NF1: variants seen among roughly 807,000 people sequenced by gnomAD.
NF1 encodes neurofibromin.
A neutral mutation model predicts 325.7 loss-of-function variants in NF1; 122 were observed. The observed-to-expected ratio is 0.37, with a 90% CI of 0.32 to 0.44. NF1 has a LOEUF of 0.44. Ranked by LOEUF, NF1 falls within the 20% of genes least tolerant of loss-of-function variation. The pLI is 1.00. For missense variants in NF1, 2,140 were observed against 3,415.4 expected (o/e 0.63, Z 9.31); for synonymous variants, 1,091 against 1,186.0 (o/e 0.92, Z 1.65).
intron 1 of NF1, among the ~76,000 whole-genome samples, chr17:31,153,654 C>T (rs911846068): frequency 4.6e-5 from 7 of 152,158 alleles, no homozygotes; most frequent in African/African-American, 7.2e-5. Flanking sequence ...CACAGGATCT[C>T]GCTCTGTTGC....
chr17:31,118,031 A>G (rs961965818), intron 1 of NF1, among the ~76,000 whole-genome samples: 2 of 152,246 alleles, frequency 1.3e-5, no homozygotes, highest in East Asian at 1.9e-4. Context: ...GCTTTCAAAT[A>G]TGGTACGCAT....
intron 16 of NF1, among the ~76,000 whole-genome samples, 165 bp downstream of exon 16, chr17:31,223,732 G>A (rs897053004): frequency 7.2e-5 from 11 of 152,098 alleles, no homozygotes; most frequent in African/African-American, 2.7e-4. Flanking sequence ...TGGCAAATCA[G>A]CATTTTAAAA....
intron 36 of NF1, among the ~76,000 whole-genome samples, chr17:31,308,164 G>C (rs1323765396): frequency 6.6e-5 from 10 of 151,284 alleles, no homozygotes; most frequent in African/African-American, 2.4e-4. Flanking sequence ...TTTGGAGACA[G>C]AGTCGTTCTG....
At chr17:31,284,125 A>G (rs190013921) in intron 36 of NF1, among the ~76,000 whole-genome samples, 3 of 152,234 alleles carry the variant, frequency 2.0e-5, no homozygotes, top group African/African-American at 7.2e-5. Context: ...TTTTGAGACC[A>G]AGTCTCACTC....
Position 31,336,213 on chromosome 17 carries a change from T to C in NF1, c.6007-120T>C. ...AGGCCTGTAAATAAAATCTAGTATT[T>C]TTGAGGCCTCAGGTAAAATAGAATT... On this transcript the variant is annotated intron_variant, in intron 40 of 57. Coordinates refer to ENST00000358273, the MANE Select transcript of NF1 (RefSeq NM_001042492.3). This position sits in a 1 kb window ranked among gnomAD's most constrained non-coding sequence, Gnocchi z 5.5. The C allele has an allele frequency of 9.9e-7, 1 of 1,009,526 alleles. No homozygotes were observed. The highest frequency in any genetic ancestry group is 1.5e-6 in the Non-Finnish European group (1 of 673,514). 62.5% of individuals were successfully genotyped at this position (1,009,526 alleles called of 1,614,324 possible). A position where few individuals can be genotyped will look rare whatever the true frequency, so the allele number is the denominator to read the frequency against.
chr17:31,102,163 A>G (rs918220407), intron 1 of NF1, among the ~76,000 whole-genome samples: 3 of 152,166 alleles, frequency 2.0e-5, no homozygotes, highest in African/African-American at 7.2e-5. Context: ...ACATATTTAT[A>G]TTTCCTCCCA....
chr17:31,327,737 C>G lies in NF1; in HGVS notation c.5507C>G (p.Pro1836Arg), dbSNP rs2151541591. ...CGGACCCGCTGGGAACTGTCACAGCCCGACTCTATCCCCCAACACACCAAG... is the reference window on the plus strand; with the variant it reads ...CGGACCCGCTGGGAACTGTCACAGCGCGACTCTATCCCCCAACACACCAAG... ...HIRTRWELSQPDSIPQHTKIR... is the reference protein window; with the variant it reads ...HIRTRWELSQRDSIPQHTKIR... Residue 1836 changes from proline (P) to arginine (R), a missense_variant, in exon 38 of 58, where the codon CCC (proline) becomes CGC (arginine). Physicochemically the swap from Pro to Arg is moderately radical, Grantham distance 103. This residue lies in a region of NF1 where 147 missense variants were observed against 186.7 expected (regional missense o/e 0.79). Transcript: ENST00000358273. 6.2e-7 allele frequency: 1 copy of G among 1,614,008 alleles called. No individual in the cohort carries two copies. The highest frequency in any genetic ancestry group is 8.5e-7 in the Non-Finnish European group (1 of 1,179,944).
chr17:31,228,875 A>C (rs1287485109), intron 20 of NF1, 150 bp from the exon 21 acceptor site: 1 of 635,144 alleles, frequency 1.6e-6, no homozygotes, highest in Middle Eastern at 4.3e-4. Flanking sequence ...CTCTTTAAAA[A>C]TGTATATGGT....
In NF1 at chr17:31,318,565, G is replaced by T. The variant is rs774655791; in HGVS notation, c.4836-7255G>T. 14 of 1,613,984 alleles carry T rather than the reference G, an allele frequency of 8.7e-6. No homozygotes were observed. In the South Asian group the frequency reaches 1.1e-4, roughly 13 times the overall value. On this transcript the variant is annotated intron_variant, in intron 36 of 57. Coordinates refer to ENST00000358273, the MANE Select transcript of NF1 (RefSeq NM_001042492.3). ...AACCACAGTTGATAGAAATAGAAAG[G>T]TACAGATAAGAAAAAGCACTGCAAT...
At chr17:31,221,797 A>G in intron 14 of NF1, 53 bp from the exon 15 acceptor site, 2 of 1,333,838 alleles carry the variant, frequency 1.5e-6, no homozygotes, top group Non-Finnish European at 2.1e-6. Context: ...TATGTTTACC[A>G]AAAATGTTTG....
At chr17:31,359,214 C>T in intron 56 of NF1, 199 bp downstream of exon 56, 1 of 554,974 alleles carries the variant, frequency 1.8e-6, no homozygotes, top group Non-Finnish European at 3.2e-6. Context: ...TGTGTATTCA[C>T]TTTTACAAAC....
rs767438491 is a variant in NF1, at chr17:31,265,260, G to A, written c.4756G>A (p.Ala1586Thr). ...HQVHEKEEFK[A>T]LKTLSIFYQA... ...GGTACATGAAAAAGAAGAATTCAAG[G>A]CTTTGAAAACGTTAAGTATTTTCTA... Residue 1586 changes from alanine (A) to threonine (T), a missense_variant, in exon 36 of 58, where the codon GCT (alanine) becomes ACT (threonine). By Grantham distance (58) the Ala-to-Thr change is moderately conservative. Transcript: ENST00000358273. 2 of 1,613,250 alleles carry A rather than the reference G, an allele frequency of 1.2e-6. No homozygotes were observed. Among genetic ancestry groups the A allele is most frequent in the Non-Finnish European group, 1.7e-6 (2 of 1,179,506 alleles).
chr17:31,353,928 T>C (rs1238075309), intron 51 of NF1, among the ~76,000 whole-genome samples: 1 of 152,276 alleles, frequency 6.6e-6, no homozygotes, highest in Admixed American at 6.5e-5. Flanking sequence ...TCACAGTTAC[T>C]AGCCACATAG....
chr17:31,349,206 T>G lies in NF1; in HGVS notation c.7276T>G (p.Cys2426Gly), dbSNP rs767059035. The change falls in exon 49 of 58, where the codon TGT becomes GGT. Residue 2426 changes from cysteine (C) to glycine (G), a missense_variant. Transcript: ENST00000358273. ...AACTCTGGTTAACAAACACAGAAAT[T>G]GTGACAAATTTGAAGTGAATACACA... is the stretch of plus-strand genomic sequence containing the variant. Reference protein sequence around the residue: ...LLTLVNKHRNCDKFEVNTQSV... With the variant: ...LLTLVNKHRNGDKFEVNTQSV... 2.5e-6 allele frequency: 4 copies of G among 1,613,628 alleles called. No individual in the cohort carries two copies. Among genetic ancestry groups the G allele is most frequent in the Non-Finnish European group, 3.4e-6 (4 of 1,179,832 alleles).
At chr17:31,146,237 G>A (rs1371488296) in intron 1 of NF1, among the ~76,000 whole-genome samples, 3 of 152,158 alleles carry the variant, frequency 2.0e-5, no homozygotes, top group African/African-American at 7.2e-5. Context: ...GACGGTTCAG[G>A]AATCTGGGGA....
intron 28 of NF1, 58 bp downstream of exon 28, chr17:31,235,830 T>C (rs1173137788): frequency 8.1e-6 from 13 of 1,611,650 alleles, no homozygotes; most frequent in Middle Eastern, 1.6e-4. Flanking sequence ...GTAATGATTA[T>C]GTACAGAATG....
chr17:31,198,901 G>GTAATCC (rs1431599512), intron 8 of NF1, among the ~76,000 whole-genome samples: 8 of 152,098 alleles, frequency 5.3e-5, no homozygotes, highest in Non-Finnish European at 1.0e-4. Context: ...TTACAGGCAT[G>GTAATCC]AGCCACTGCA....
At chr17:31,212,219 C>T (rs148418948) in intron 12 of NF1, among the ~76,000 whole-genome samples, 4 of 152,268 alleles carry the variant, frequency 2.6e-5, no homozygotes, top group African/African-American at 4.8e-5. Flanking sequence ...TACATGGGGT[C>T]AAGATCATCA....
At chr17:31,140,709 T>C (rs1045253834) in intron 1 of NF1, among the ~76,000 whole-genome samples, 5 of 152,204 alleles carry the variant, frequency 3.3e-5, no homozygotes, top group African/African-American at 1.2e-4. Flanking sequence ...TAAATGTCTG[T>C]TGATGGCAAA....
Sources: gnomAD v4.1 joint callset for allele counts (sites outside exome capture counted in the v4.1 genomes callset) on GRCh38, gnomAD v4.1.1 for gene constraint, gnomAD v4.1.1 regional missense constraint, Gnocchi (gnomAD v3.1) non-coding constraint, MANE v1.5 for transcripts, NCBI Gene and HGNC (gene_info 2026-07-23, HGNC 2026-07-21) for gene names.